The following TEX46 variants were observed in gnomAD, a reference collection of about 807,000 sequenced individuals.
TEX46 encodes testis expressed 46, also known as testis-expressed protein 46.
Under a neutral mutation model 5.3 loss-of-function variants are expected in TEX46, and 6 were observed. That is an observed-to-expected ratio of 1.13 (90% CI 0.62 to 2.23). The LOEUF (loss-of-function observed/expected upper bound fraction) is 2.23. Ranked by LOEUF, TEX46 falls within the 30% of genes most tolerant of loss-of-function variation. TEX46 has a pLI of 0.00. For synonymous variants in TEX46, 41 were observed against 54.6 expected (o/e 0.75, Z 1.10); for missense variants, 131 against 150.9 (o/e 0.87, Z 0.69).
Position 23,014,128 on chromosome 1 carries a change from A to G in TEX46, c.3-83T>C, listed in dbSNP as rs148794175. The stretch of plus-strand genomic sequence containing the variant: ...ACCCTGCCTCAGGCCCCTCCATGAC[A>G]AGAGTCACGGCCACCCACTCCTCTG... On this transcript the variant is annotated intron_variant, in intron 1 of 2. Coordinates refer to ENST00000566855, the MANE Select transcript of TEX46 (RefSeq NM_001242521.2). 9.5e-4 allele frequency: 1,392 copies of G among 1,464,378 alleles called. 10 individuals carry two copies. The African/African-American group carries it at 0.018, about 19-fold the overall frequency. The allele number at this position is 1,464,378 out of a possible 1,614,324, so 90.7% of individuals were successfully genotyped here. A position where few individuals can be genotyped will look rare whatever the true frequency, so the allele number is the denominator to read the frequency against.
intron 1 of TEX46, among the ~76,000 whole-genome samples, chr1:23,015,328 C>T (rs12402485): frequency 0.8 from 120,479 of 150,266 alleles, 48,646 homozygotes; most frequent in Non-Finnish European, 0.83. Context: ...CTCAGCTACT[C>T]GGGAGGCTGA....
rs1557466791 is a variant in TEX46, at chr1:23,010,889, GC to G, written c.*11del. The G allele has an allele frequency of 5.9e-6, 9 of 1,521,644 alleles. No homozygotes were observed. In the African/African-American group the frequency reaches 1.2e-4, roughly 21 times the overall value. The allele number at this position is 1,521,644 out of a possible 1,614,324, so 94.3% of individuals were successfully genotyped here. ...AGGTAACATCGGCAGAGGCCAGCCC[GC>G]CTCGGCCTCATTAGCTGGGGGAACT... On this transcript the variant is annotated 3_prime_UTR_variant, in exon 3 of 3. Coordinates refer to ENST00000566855, the MANE Select transcript of TEX46 (RefSeq NM_001242521.2).
intron 1 of TEX46, 172 bp from the exon 2 acceptor site, chr1:23,014,217 G>A (rs1641389565): frequency 8.3e-7 from 1 of 1,207,582 alleles, no homozygotes; most frequent in Non-Finnish European, 1.1e-6. Context: ...CTCCTCCTTT[G>A]TCTGAAGCAC....
intron 2 of TEX46, among the ~76,000 whole-genome samples, chr1:23,012,015 T>G (rs1420922603): frequency 1.3e-5 from 2 of 152,284 alleles, no homozygotes; most frequent in African/African-American, 2.4e-5. Context: ...TATTTTTTTT[T>G]TCTTTTTGGA....
intron 1 of TEX46, among the ~76,000 whole-genome samples, chr1:23,015,485 T>G (rs1393737122): frequency 7.3e-6 from 1 of 137,636 alleles, no homozygotes; most frequent in Non-Finnish European, 1.5e-5. Context: ...ATTGCTATAG[T>G]AATTCCACTT....
At position 23,015,757 on chromosome 1, in the gene TEX46, T is replaced by A; in HGVS notation, c.2+15A>T. On this transcript the variant is annotated intron_variant, in intron 1 of 2. Coordinates refer to ENST00000566855, the MANE Select transcript of TEX46 (RefSeq NM_001242521.2). ...AGTCACAAAAAAAAAACAAATACCG[T>A]ATGATTCCACTTACATGAGCTATCT... is the stretch of plus-strand genomic sequence containing the variant. 1.4e-6 allele frequency: 1 copy of A among 695,734 alleles called. No homozygotes were observed. The highest frequency in any genetic ancestry group is 1.5e-5 in the South Asian group (1 of 65,894). 43.1% of individuals were successfully genotyped at this position (695,734 alleles called of 1,614,324 possible).
At position 23,014,051 on chromosome 1, in the gene TEX46, G is replaced by A. The variant is rs1273124144; in HGVS notation, c.3-6C>T. 6.5e-7 allele frequency: 1 copy of A among 1,535,534 alleles called. No homozygotes were observed. Among genetic ancestry groups the A allele is most frequent in the Admixed American group, 2.0e-5 (1 of 50,956 alleles). On this transcript the variant is annotated splice_polypyrimidine_tract_variant and splice_region_variant and intron_variant, in intron 1 of 2. Coordinates refer to ENST00000566855, the MANE Select transcript of TEX46 (RefSeq NM_001242521.2). ...CAAGTATCCCATGGAGACTCCTAAA[G>A]AGAAATATCAGTTCTGCCAGCATTA...
intron 1 of TEX46, 132 bp from the exon 2 acceptor site, chr1:23,014,177 C>G (rs550886711): frequency 2.3e-5 from 31 of 1,333,336 alleles, no homozygotes; most frequent in Admixed American, 1.5e-4. Flanking sequence ...TCCCTCCCCC[C>G]ACCCAGCTGC....
chr1:23,012,024 G>C (rs757216760), intron 2 of TEX46, among the ~76,000 whole-genome samples: 12 of 150,672 alleles, frequency 8.0e-5, no homozygotes, highest in Non-Finnish European at 1.6e-4. Context: ...TTTCTTTTTG[G>C]ATTCAGCTAC....
At chr1:23,012,166 A>G (rs1407301674) in intron 2 of TEX46, among the ~76,000 whole-genome samples, 1 of 152,042 alleles carries the variant, frequency 6.6e-6, no homozygotes, top group East Asian at 1.9e-4. Context: ...CCTGGGAAAC[A>G]TGGTAAAATC....
chr1:23,011,962 A>G (rs1317311490), intron 2 of TEX46, among the ~76,000 whole-genome samples: 1 of 152,036 alleles, frequency 6.6e-6, no homozygotes, highest in Non-Finnish European at 1.5e-5. Flanking sequence ...ACATGCTTTT[A>G]TCTCTATGAT....
intron 2 of TEX46, 134 bp downstream of exon 2, chr1:23,013,749 T>G: frequency 1.3e-6 from 1 of 767,018 alleles, no homozygotes; most frequent in Non-Finnish European, 2.0e-6. Context: ...AGCTGTAGAG[T>G]GGTGGTTTAG....
intron 1 of TEX46, among the ~76,000 whole-genome samples, chr1:23,015,297 G>A (rs988835699): frequency 2.0e-5 from 3 of 151,402 alleles, no homozygotes; most frequent in Non-Finnish European, 3.0e-5. Context: ...TTAGCCAGGC[G>A]TGGTTGCGGG....
At chr1:23,014,414 A>G (rs974240727) in intron 1 of TEX46, among the ~76,000 whole-genome samples, 6 of 152,218 alleles carry the variant, frequency 3.9e-5, no homozygotes, top group African/African-American at 1.4e-4. Flanking sequence ...CCAAACTTAG[A>G]CATAACTGCT....
intron 2 of TEX46, among the ~76,000 whole-genome samples, chr1:23,012,519 C>G (rs1198019729): frequency 5.3e-5 from 8 of 152,194 alleles, no homozygotes; most frequent in Non-Finnish European, 1.2e-4. Context: ...CATCCTCCTC[C>G]CTCCCTGAAT....
chr1:23,013,868 C>T lies in TEX46; in HGVS notation c.165+15G>A, dbSNP rs563580647. 3,464 of 1,535,200 alleles carry T rather than the reference C, an allele frequency of 2.3e-3. 7 individuals are homozygous for T. Among genetic ancestry groups the T allele is most frequent in the Non-Finnish European group, 2.8e-3 (3,169 of 1,146,498 alleles). On this transcript the variant is annotated intron_variant, in intron 2 of 2. Coordinates refer to ENST00000566855, the MANE Select transcript of TEX46 (RefSeq NM_001242521.2). ...CCTATCCCTGAGCTGAAGCCAAGCC[C>T]CATCTTGTGCTCACCTGCTGGGGCT...
chr1:23,015,491 C>T (rs1434654659), intron 1 of TEX46, among the ~76,000 whole-genome samples: 1 of 129,922 alleles, frequency 7.7e-6, no homozygotes, highest in Non-Finnish European at 1.6e-5. Flanking sequence ...ATAGTAATTC[C>T]ACTTTTGGGT....
intron 1 of TEX46, 85 bp from the exon 2 acceptor site, chr1:23,014,130 G>C (rs902306349): frequency 6.8e-7 from 1 of 1,461,622 alleles, no homozygotes; most frequent in Non-Finnish European, 9.0e-7. Context: ...TCCATGACAA[G>C]AGTCACGGCC....
At chr1:23,015,294 G>T (rs1371081492) in intron 1 of TEX46, among the ~76,000 whole-genome samples, 1 of 151,540 alleles carries the variant, frequency 6.6e-6, no homozygotes. Context: ...AAATTAGCCA[G>T]GCGTGGTTGC....
Sources: gnomAD v4.1 joint callset for allele counts (sites outside exome capture counted in the v4.1 genomes callset) on GRCh38, gnomAD v4.1.1 for gene constraint, MANE v1.5 for transcripts, NCBI Gene and HGNC (gene_info 2026-07-23, HGNC 2026-07-21) for gene names.